The following NPEPPS variants were observed in gnomAD, a reference collection of about 807,000 sequenced individuals.
The protein encoded by NPEPPS is aminopeptidase puromycin sensitive.
A neutral mutation model predicts 115.5 loss-of-function variants in NPEPPS; 14 were observed. The ratio of observed to expected loss-of-function variants is 0.12; its 90% CI spans 0.08 to 0.19. The LOEUF (loss-of-function observed/expected upper bound fraction) is 0.19, where lower values mean the gene tolerates loss of function less well. Among genes scored for constraint, NPEPPS ranks in the 10% least tolerant of loss-of-function variants. The probability of loss-of-function intolerance (pLI) is 1.00; values close to 1 mark genes in which losing one functional copy is unlikely to be tolerated. For synonymous variants in NPEPPS, 285 were observed against 390.6 expected, an observed-to-expected ratio of 0.73 and a Z score of 3.19; for missense variants, 523 against 1,110.8, an observed-to-expected ratio of 0.47 and a Z score of 7.52.
intron 17 of NPEPPS, among the ~76,000 whole-genome samples, chr17:47,612,105 T>C (rs1462621703): frequency 6.6e-6 from 1 of 152,236 alleles, no homozygotes; most frequent in East Asian, 1.9e-4. Context: ...TAGTTCCATA[T>C]GTGATCTTTC....
chr17:47,577,677 G>T lies in NPEPPS; in HGVS notation c.419-1713G>T, dbSNP rs2644359. On this transcript the variant is annotated intron_variant, in intron 3 of 22. Coordinates refer to ENST00000322157, the MANE Select transcript of NPEPPS (RefSeq NM_006310.4). ...CTTCAATTAAGCTTCAGTTGAGTTG[G>T]TTTTTTCTCAGAATGATTAAGAATA... Among the ~76,000 whole-genome samples the T allele has an allele frequency of 7.2e-5, 11 of 152,224 alleles. No individual in the cohort carries two copies. In the South Asian group the frequency reaches 1.2e-3, roughly 17 times the overall value.
At chr17:47,577,898 G>A (rs1911617837) in intron 3 of NPEPPS, among the ~76,000 whole-genome samples, 1 of 152,130 alleles carries the variant, frequency 6.6e-6, no homozygotes, top group Non-Finnish European at 1.5e-5. Flanking sequence ...ATTTGACTTT[G>A]AGATCATTCA....
At chr17:47,618,928 C>A in intron 20 of NPEPPS, 81 bp from the exon 21 acceptor site, 1 of 1,229,278 alleles carries the variant, frequency 8.1e-7, no homozygotes, top group African/African-American at 1.5e-5. Context: ...GTGATTACTT[C>A]AGTGTCACAG....
intron 19 of NPEPPS, among the ~76,000 whole-genome samples, chr17:47,617,003 A>G (rs935931332): frequency 2.0e-5 from 3 of 152,088 alleles, no homozygotes; most frequent in African/African-American, 7.2e-5. Flanking sequence ...GCTCTTATAC[A>G]TTTATAGTTC....
At chr17:47,599,795 C>G in intron 14 of NPEPPS, 56 bp downstream of exon 14, 1 of 1,341,852 alleles carries the variant, frequency 7.5e-7, no homozygotes, top group South Asian at 1.3e-5. Context: ...TTAACTAATA[C>G]CAGTAGTATT....
At chr17:47,601,043 C>A (rs1038198815) in intron 14 of NPEPPS, among the ~76,000 whole-genome samples, 1 of 151,950 alleles carries the variant, frequency 6.6e-6, no homozygotes, top group Admixed American at 6.6e-5. Context: ...GCCAATATGG[C>A]AAAACCCCAT....
At chr17:47,596,048 G>T (rs1379824252) in intron 12 of NPEPPS, 1 of 198,076 alleles carries the variant, frequency 5.0e-6, no homozygotes, top group Non-Finnish European at 1.0e-5. Flanking sequence ...AGCTACTCAG[G>T]AGGCTGAGGA....
At chr17:47,570,394 C>A (rs1459988391) in intron 3 of NPEPPS, among the ~76,000 whole-genome samples, 2 of 152,168 alleles carry the variant, frequency 1.3e-5, no homozygotes, top group Admixed American at 1.3e-4. Flanking sequence ...TGCACTCCAG[C>A]CTGGGTGATA....
intron 2 of NPEPPS, among the ~76,000 whole-genome samples, chr17:47,558,653 T>C (rs1478049328): frequency 6.6e-5 from 10 of 152,212 alleles, no homozygotes; most frequent in Non-Finnish European, 1.0e-4. Flanking sequence ...GGTCTTGAAC[T>C]CCTGTCCTCA....
Position 47,622,035 on chromosome 17 carries a change from G to T in NPEPPS, c.*115G>T. On this transcript the variant is annotated 3_prime_UTR_variant, in exon 23 of 23. Coordinates refer to ENST00000322157, the MANE Select transcript of NPEPPS (RefSeq NM_006310.4). ...GGAGTCTTCTTTCAAACCAGTGGGG[G>T]TTGGACAATGAATGTAGTTAACTGG... 2.9e-6 allele frequency: 4 copies of T among 1,356,358 alleles called. No homozygotes were observed. Among genetic ancestry groups the T allele is most frequent in the Non-Finnish European group, 3.8e-6 (4 of 1,047,630 alleles). The allele number at this position is 1,356,358 out of a possible 1,614,324, so 84.0% of individuals were successfully genotyped here.
chr17:47,594,341 ATTAACC>A (rs921416155), intron 12 of NPEPPS, among the ~76,000 whole-genome samples: 1 of 152,108 alleles, frequency 6.6e-6, no homozygotes, highest in Non-Finnish European at 1.5e-5. Flanking sequence ...TGAATAATAA[ATTAACC>A]TTAGCTTACT....
intron 14 of NPEPPS, 111 bp downstream of exon 14, chr17:47,599,850 C>T: frequency 1.2e-6 from 1 of 862,634 alleles, no homozygotes; most frequent in Non-Finnish European, 1.8e-6. Flanking sequence ...AGGAGTCTCA[C>T]TCTGTCGCCC....
chr17:47,580,595 C>T (rs796854263), intron 4 of NPEPPS: 58 of 152,172 alleles, frequency 3.8e-4, no homozygotes, highest in African/African-American at 1.4e-3. Flanking sequence ...GTTATTCTCC[C>T]TATTAGACAT....
chr17:47,586,107 A>G (rs1912158364), intron 6 of NPEPPS, 41 bp from the exon 7 acceptor site: 1 of 544,452 alleles, frequency 1.8e-6, no homozygotes, highest in Admixed American at 3.8e-5. Context: ...GAATTATAAT[A>G]ACATATTTAT....
chr17:47,597,293 A>G (rs1309989602), intron 13 of NPEPPS, among the ~76,000 whole-genome samples: 2 of 152,200 alleles, frequency 1.3e-5, no homozygotes, highest in Admixed American at 1.3e-4. Flanking sequence ...GGTATGAGTT[A>G]TACTTCAAAA....
intron 3 of NPEPPS, among the ~76,000 whole-genome samples, chr17:47,575,256 C>T (rs1192088206): frequency 1.3e-5 from 2 of 152,076 alleles, no homozygotes; most frequent in Admixed American, 6.6e-5. Flanking sequence ...TATGTATATA[C>T]TTTTTAAGAA....
chr17:47,593,712 C>G (rs1227638518), intron 12 of NPEPPS, among the ~76,000 whole-genome samples: 1 of 152,178 alleles, frequency 6.6e-6, no homozygotes, highest in Non-Finnish European at 1.5e-5. Context: ...CTATGTACAC[C>G]TAGCCTACAT....
intron 1 of NPEPPS, among the ~76,000 whole-genome samples, 194 bp downstream of exon 1, chr17:47,531,749 A>G (rs1199992250): frequency 1.3e-5 from 2 of 151,324 alleles, no homozygotes; most frequent in African/African-American, 4.9e-5. Context: ...GGGCCGGGGC[A>G]GGGACCGTGG....
intron 3 of NPEPPS, among the ~76,000 whole-genome samples, chr17:47,575,101 CAT>C (rs1348953890): frequency 2.6e-5 from 4 of 152,210 alleles, no homozygotes; most frequent in Non-Finnish European, 4.4e-5. Context: ...ATTTCAAAAA[CAT>C]AGTACATTTA....
Sources: allele counts gnomAD v4.1 joint callset (sites outside exome capture counted in the v4.1 genomes callset), GRCh38; gene constraint gnomAD v4.1.1; transcripts MANE v1.5; gene names NCBI Gene and HGNC (gene_info 2026-07-23, HGNC 2026-07-21).